The following CACNA1C variants were observed in gnomAD, a reference collection of about 807,000 sequenced individuals.
CACNA1C encodes the protein calcium voltage-gated channel subunit alpha1 C.
A neutral mutation model predicts 229.0 loss-of-function variants in CACNA1C; 30 were observed. The ratio of observed to expected loss-of-function variants is 0.13; its 90% CI spans 0.10 to 0.18. The LOEUF (loss-of-function observed/expected upper bound fraction) is 0.18. Ranked by LOEUF, CACNA1C falls within the 10% of genes least tolerant of loss-of-function variation. The pLI is 1.00. For synonymous variants in CACNA1C, 1,114 were observed against 1,132.5 expected (o/e 0.98, Z 0.33); for missense variants, 1,658 against 2,845.0 (o/e 0.58, Z 9.49).
chr12:2,362,119 A>G (rs978133615), intron 3 of CACNA1C, among the ~76,000 whole-genome samples: 4 of 152,202 alleles, frequency 2.6e-5, no homozygotes, highest in African/African-American at 7.2e-5. Context: ...CTGTGTGTAC[A>G]TAGGCACATG....
intron 3 of CACNA1C, among the ~76,000 whole-genome samples, chr12:2,379,972 A>G (rs2154544941): frequency 7.0e-6 from 1 of 142,522 alleles, no homozygotes; most frequent in Admixed American, 7.1e-5. Flanking sequence ...CGGAGCTTGC[A>G]GTGAGCCGAG....
intron 9 of CACNA1C, among the ~76,000 whole-genome samples, chr12:2,549,638 T>C (rs1302608188): frequency 6.6e-6 from 1 of 151,940 alleles, no homozygotes; most frequent in African/African-American, 2.4e-5. Context: ...GTCCACAGAG[T>C]GGAGAGGAGA....
In CACNA1C at chr12:2,067,544, A is replaced by G. The variant is rs903349982; in HGVS notation, c.49+13933A>G. On this transcript the variant is annotated intron_variant, in intron 1 of 46. Transcript: ENST00000399655. The surrounding 1 kb of genome is among the most constrained non-coding windows in gnomAD (Gnocchi z 5.3). ...TGAAGACAGACTTTATTGGTTTCACAGTTTGGCCTCCAGAGGGTCTTCTGG... is the reference window on the plus strand; with the variant it reads ...TGAAGACAGACTTTATTGGTTTCACGGTTTGGCCTCCAGAGGGTCTTCTGG... Among the ~76,000 whole-genome samples the G allele has an allele frequency of 4.0e-4, 60 of 151,700 alleles. No individual in the cohort carries two copies. Among genetic ancestry groups the G allele is most frequent in the Admixed American group, 2.0e-4 (3 of 15,240 alleles).
At chr12:2,572,297 TTCCTCCTCC>T (rs144703116) in intron 13 of CACNA1C, among the ~76,000 whole-genome samples, 9 of 111,862 alleles carry the variant, frequency 8.0e-5, no homozygotes, top group East Asian at 3.0e-4. Flanking sequence ...TTGATTATTA[TTCCTCCTCC>T]TCCTCCTCCT....
intron 9 of CACNA1C, among the ~76,000 whole-genome samples, chr12:2,525,452 G>A (rs893212674): frequency 5.9e-5 from 9 of 152,196 alleles, no homozygotes; most frequent in African/African-American, 2.2e-4. Flanking sequence ...AGGAGGTTGT[G>A]CAGTGCCATG....
At chr12:2,675,822 T>G (rs11062309) in intron 39 of CACNA1C, among the ~76,000 whole-genome samples, 5,294 of 152,160 alleles carry the variant, frequency 0.035, 286 homozygotes, top group African/African-American at 0.11. Flanking sequence ...TGCCTGCACT[T>G]TAAGGGACAG....
intron 3 of CACNA1C, among the ~76,000 whole-genome samples, chr12:2,248,637 C>T (rs928194916): frequency 2.0e-5 from 3 of 152,234 alleles, no homozygotes; most frequent in Non-Finnish European, 4.4e-5. Context: ...CAGTGCATCA[C>T]GCTCCCGTGT....
At chr12:2,571,310 T>A (rs2054270878) in intron 13 of CACNA1C, among the ~76,000 whole-genome samples, 1 of 152,178 alleles carries the variant, frequency 6.6e-6, no homozygotes, top group Non-Finnish European at 1.5e-5. Context: ...CTTGTCTAGG[T>A]CCCTGAGACA....
intron 39 of CACNA1C, 155 bp from the exon 40 acceptor site, chr12:2,676,939 T>G (rs536637529): frequency 9.9e-6 from 6 of 608,298 alleles, no homozygotes; most frequent in Non-Finnish European, 1.4e-5. Flanking sequence ...CTTTTTATGG[T>G]TTTTTTTCTC....
At chr12:2,145,180 T>C (rs1051222246) in intron 3 of CACNA1C, among the ~76,000 whole-genome samples, 6 of 151,416 alleles carry the variant, frequency 4.0e-5, no homozygotes, top group Admixed American at 1.3e-4. Flanking sequence ...CTGAAGTACG[T>C]ATTTCCCCCT....
chr12:2,087,269 C>T (rs1032676547), intron 1 of CACNA1C, among the ~76,000 whole-genome samples: 6 of 152,204 alleles, frequency 3.9e-5, no homozygotes, highest in Admixed American at 6.5e-5. Context: ...AGATGTGTTC[C>T]TCAGGGACAG....
chr12:2,254,770 T>C (rs919547400), intron 3 of CACNA1C, among the ~76,000 whole-genome samples: 4 of 152,180 alleles, frequency 2.6e-5, no homozygotes, highest in African/African-American at 9.7e-5. Context: ...CGATATATGT[T>C]GAGAAAGTGC....
chr12:2,136,548 CA>C (rs138044301), intron 3 of CACNA1C, among the ~76,000 whole-genome samples: 2,192 of 151,338 alleles, frequency 0.014, 67 homozygotes, highest in African/African-American at 0.05. Flanking sequence ...ATCAGGCCTT[CA>C]ACTAGAGTTT....
Position 2,585,986 on chromosome 12 carries a change from T to A in CACNA1C, c.2530+82T>A. 1 of 750,188 alleles carries A rather than the reference T, an allele frequency of 1.3e-6. No homozygotes were observed. Among genetic ancestry groups the A allele is most frequent in the Non-Finnish European group, 2.2e-6 (1 of 462,148 alleles). The allele number at this position is 750,188 out of a possible 1,614,324, so 46.5% of individuals were successfully genotyped here. A position where few individuals can be genotyped will look rare whatever the true frequency, so the allele number is the denominator to read the frequency against. On this transcript the variant is annotated intron_variant, in intron 18 of 46. Transcript: ENST00000399655. This position sits in a 1 kb window ranked among gnomAD's most constrained non-coding sequence, Gnocchi z 4.1. ...CTAAAGCCACGTGGGAGTGGCCATA[T>A]ATTAGGGACCATGGTTCCAGTGTCC...
chr12:2,281,078 CAT>C, intron 3 of CACNA1C, among the ~76,000 whole-genome samples: 1 of 151,890 alleles, frequency 6.6e-6, no homozygotes, highest in Non-Finnish European at 1.5e-5. Flanking sequence ...CGTCATTTAA[CAT>C]GAGGTATATC....
chr12:2,248,727 C>T (rs369899222), intron 3 of CACNA1C, among the ~76,000 whole-genome samples: 5 of 152,226 alleles, frequency 3.3e-5, no homozygotes, highest in Admixed American at 6.5e-5. Context: ...AAGACAGGAG[C>T]GGATGTTGCC....
intron 3 of CACNA1C, among the ~76,000 whole-genome samples, chr12:2,443,018 C>T (rs192325983): frequency 6.6e-6 from 1 of 152,266 alleles, no homozygotes; most frequent in Non-Finnish European, 1.5e-5. Flanking sequence ...CTCATGTCCT[C>T]ATGTTGCAAA....
intron 3 of CACNA1C, among the ~76,000 whole-genome samples, chr12:2,344,712 G>A (rs1436152139): frequency 6.6e-6 from 1 of 151,930 alleles, no homozygotes; most frequent in Non-Finnish European, 1.5e-5. Flanking sequence ...CTGTGTGTGT[G>A]GAGGCTGAGA....
chr12:2,628,203 C>T (rs2088123478), intron 29 of CACNA1C, among the ~76,000 whole-genome samples: 1 of 152,182 alleles, frequency 6.6e-6, no homozygotes, highest in African/African-American at 2.4e-5. Flanking sequence ...AAGGCATGCA[C>T]CCGTCACCCC....
Sources: gnomAD v4.1 joint callset for allele counts (sites outside exome capture counted in the v4.1 genomes callset) on GRCh38, gnomAD v4.1.1 for gene constraint, Gnocchi (gnomAD v3.1) non-coding constraint, MANE v1.5 for transcripts, NCBI Gene and HGNC (gene_info 2026-07-23, HGNC 2026-07-21) for gene names.